Variants in RNASE9 observed in about 807,000 individuals in gnomAD.
The protein encoded by RNASE9 is ribonuclease A family member 9 (inactive).
For synonymous variants in RNASE9, 95 were observed against 87.6 expected (o/e 1.08, Z -0.47); for missense variants, 263 against 247.1 (o/e 1.06, Z -0.43).
chr14:20,559,117 T>C (rs1340975207), intron 2 of RNASE9, among the ~76,000 whole-genome samples: 1 of 150,640 alleles, frequency 6.6e-6, no homozygotes, highest in Admixed American at 6.6e-5. Context: ...TTATTATCAT[T>C]TTACTGTTTT....
chr14:20,558,724 C>G, intron 2 of RNASE9: 1 of 766,246 alleles, frequency 1.3e-6, no homozygotes, highest in Non-Finnish European at 2.3e-6. Context: ...TTCTACTTCC[C>G]GAGAACATGC....
At chr14:20,557,106 T>A in exon 3 of RNASE9, 2 of 1,566,994 alleles carry the variant, frequency 1.3e-6, no homozygotes, top group Non-Finnish European at 1.7e-6. Context: ...ACGGGATATG[T>A]TCTATTGTGA....
chr14:20,558,969 A>T (rs1883831705), intron 2 of RNASE9, among the ~76,000 whole-genome samples: 1 of 152,152 alleles, frequency 6.6e-6, no homozygotes, highest in South Asian at 2.1e-4. Context: ...CACATGGTTT[A>T]TACATAATCT....
chr14:20,560,527 A>T (rs944367987), intron 1 of RNASE9, among the ~76,000 whole-genome samples: 1 of 152,122 alleles, frequency 6.6e-6, no homozygotes, highest in Non-Finnish European at 1.5e-5. Flanking sequence ...AAAGGGAAAA[A>T]AATTGAAATT....
At chr14:20,559,292 T>C (rs1883852477) in intron 2 of RNASE9, among the ~76,000 whole-genome samples, 1 of 152,082 alleles carries the variant, frequency 6.6e-6, no homozygotes, top group Non-Finnish European at 1.5e-5. Context: ...CATAAAGCAA[T>C]CTACACTCAT....
exon 3 of RNASE9, chr14:20,556,803 T>C: frequency 6.2e-7 from 1 of 1,613,872 alleles, no homozygotes; most frequent in Non-Finnish European, 8.5e-7. Flanking sequence ...AAACATTTTT[T>C]CCCATGATTT....
exon 3 of RNASE9, chr14:20,558,056 T>C: frequency 4.8e-6 from 1 of 209,400 alleles, no homozygotes; most frequent in Non-Finnish European, 9.8e-6. Context: ...TCAAACACAA[T>C]GACTACTGAA....
At chr14:20,558,328 G>T in exon 3 of RNASE9, 2 of 627,362 alleles carry the variant, frequency 3.2e-6, no homozygotes, top group Non-Finnish European at 2.9e-6. Flanking sequence ...TATGTGTGTA[G>T]AAAGGTTAGA....
exon 3 of RNASE9, chr14:20,556,125 A>G (rs1594457311): frequency 4.3e-6 from 1 of 230,616 alleles, no homozygotes; most frequent in Non-Finnish European, 8.5e-6. Context: ...TTTCTGCTGA[A>G]CTAGAGAATC....
exon 3 of RNASE9, chr14:20,556,311 T>A (rs1883682313): frequency 1.5e-6 from 1 of 648,142 alleles, no homozygotes; most frequent in Non-Finnish European, 2.6e-6. Flanking sequence ...TAAGGTGCTT[T>A]TGTGAGGTGT....
exon 3 of RNASE9, chr14:20,558,333 G>A: frequency 1.6e-6 from 1 of 634,430 alleles, no homozygotes; most frequent in Non-Finnish European, 2.9e-6. Flanking sequence ...GTGTAGAAAG[G>A]TTAGAGAATG....
exon 3 of RNASE9, chr14:20,556,909 G>C: frequency 6.2e-7 from 1 of 1,614,032 alleles, no homozygotes; most frequent in South Asian, 1.1e-5. Context: ...GGCGGGCCCT[G>C]TACTAAAAAA....
rs1410915743 is a variant in RNASE9 at position 20,556,855 on chromosome 14, T to C, written c.215A>G (p.Glu72Gly). The change falls in exon 3 of 3, where the codon GAA becomes GGA. Residue 72 changes from glutamate to glycine, a missense_variant. Transcript: ENST00000555230. Reference sequence around the variant, plus strand: ...TATATGATTTAGTGGCATTCCAGGTTCAATAAGGACACGTCTTTTGACTTT... The same window carrying C: ...TATATGATTTAGTGGCATTCCAGGTCCAATAAGGACACGTCTTTTGACTTT... 6.8e-6 allele frequency: 11 copies of C among 1,614,246 alleles called. No individual in the cohort carries two copies. The highest frequency in any genetic ancestry group is 9.3e-6 in the Non-Finnish European group (11 of 1,180,036).
exon 3 of RNASE9, chr14:20,556,253 G>A (rs1566550899): frequency 1.9e-6 from 1 of 525,400 alleles, no homozygotes; most frequent in Non-Finnish European, 3.4e-6. Context: ...GCTAACTTAG[G>A]GGACCTGCAT....
At chr14:20,558,426 G>GAAAGA (rs1185621893) in exon 3 of RNASE9, 1 of 742,646 alleles carries the variant, frequency 1.3e-6, no homozygotes, top group Non-Finnish European at 2.4e-6. Context: ...CAGAGAATGG[G>GAAAGA]AAAGAAAAGA....
chr14:20,556,836 A>G (rs1883716256), exon 3 of RNASE9: 4 of 1,614,022 alleles, frequency 2.5e-6, no homozygotes, highest in Non-Finnish European at 3.4e-6. Flanking sequence ...ACTCTATATG[A>G]TTTAGTGGCA....
rs1482254191 is a variant in RNASE9, at chr14:20,556,312, TGTGAG to T, written c.*135_*139del. 4.6e-6 allele frequency: 3 copies of T among 650,556 alleles called. No homozygotes were observed. In the African/African-American group the frequency reaches 5.4e-5, roughly 12 times the overall value. The allele number at this position is 650,556 out of a possible 1,614,324, so 40.3% of individuals were successfully genotyped here. On this transcript the variant is annotated 3_prime_UTR_variant, in exon 3 of 3. Transcript: ENST00000555230. ...CTGTGAACCTAGCCTAAGGTGCTTT[TGTGAG>T]GTGTTGGGAAAGGAAGAAAGGAAGG...
At chr14:20,560,042 A>G (rs1428472754) in intron 1 of RNASE9, among the ~76,000 whole-genome samples, 1 of 152,152 alleles carries the variant, frequency 6.6e-6, no homozygotes, top group Non-Finnish European at 1.5e-5. Flanking sequence ...TTAACCACAC[A>G]CATAAGAAGT....
chr14:20,557,445 T>A, exon 3 of RNASE9: 2 of 191,172 alleles, frequency 1.0e-5, no homozygotes, highest in Non-Finnish European at 2.1e-5. Context: ...AAAGGGAGGG[T>A]GCAGAGAGGA....
Sources: gnomAD v4.1 joint callset for allele counts (sites outside exome capture counted in the v4.1 genomes callset) on GRCh38, gnomAD v4.1.1 for gene constraint, MANE v1.5 for transcripts, NCBI Gene and HGNC (gene_info 2026-07-23, HGNC 2026-07-21) for gene names.